The following ADGRB3 variants were observed in gnomAD, a reference collection of about 807,000 sequenced individuals.
ADGRB3 encodes the protein brain-specific angiogenesis inhibitor 3.
Under a neutral mutation model 193.4 loss-of-function variants are expected in ADGRB3, and 37 were observed. That is an observed-to-expected ratio of 0.19 (90% CI 0.15 to 0.25). ADGRB3 has a LOEUF of 0.25. ADGRB3 is among the 10% of genes least tolerant of loss of function. The pLI is 1.00. For missense variants in ADGRB3, 1,637 were observed against 1,852.9 expected (o/e 0.88, Z 2.14); for synonymous variants, 690 against 644.2 (o/e 1.07, Z -1.08).
chr6:69,092,820 G>C (rs569894256), intron 17 of ADGRB3, among the ~76,000 whole-genome samples: 2 of 152,192 alleles, frequency 1.3e-5, no homozygotes, highest in Non-Finnish European at 2.9e-5. Flanking sequence ...GTGACTGGGG[G>C]AGGGAAGGGG....
chr6:69,174,558 A>T (rs142305476), intron 17 of ADGRB3, among the ~76,000 whole-genome samples: 1 of 152,234 alleles, frequency 6.6e-6, no homozygotes, highest in African/African-American at 2.4e-5. Flanking sequence ...TGCAATGCAC[A>T]TATAAGTTCA....
chr6:69,257,290 C>T lies in ADGRB3; in HGVS notation c.2814+18064C>T, dbSNP rs1048697971. Among the ~76,000 whole-genome samples, 13 of 152,278 alleles carry T rather than the reference C, an allele frequency of 8.5e-5. No homozygotes were observed. In the East Asian group the frequency reaches 2.5e-3, roughly 29 times the overall value. ...TTCAGAAGGAATGGTACCAGTTCCT[C>T]CTTGTACCTCTGATAGAATTCGGCT... On this transcript the variant is annotated intron_variant, in intron 20 of 31. Coordinates refer to ENST00000370598, the MANE Select transcript of ADGRB3 (RefSeq NM_001704.3).
chr6:69,382,334 A>G (rs557027969), intron 30 of ADGRB3, among the ~76,000 whole-genome samples: 53 of 152,028 alleles, frequency 3.5e-4, no homozygotes, highest in Admixed American at 7.9e-4. Flanking sequence ...AGACACTTTA[A>G]TGCTTTGATT....
chr6:69,049,635 T>C (rs1771336177), intron 15 of ADGRB3, among the ~76,000 whole-genome samples: 1 of 152,116 alleles, frequency 6.6e-6, no homozygotes, highest in African/African-American at 2.4e-5. Context: ...ATCACAAGTG[T>C]CTATAATAGA....
At chr6:69,291,107 T>G (rs1767655751) in intron 20 of ADGRB3, among the ~76,000 whole-genome samples, 2 of 152,190 alleles carry the variant, frequency 1.3e-5, no homozygotes, top group Non-Finnish European at 2.9e-5. Flanking sequence ...CTTTTCCTAA[T>G]GCTTCTTGGA....
At chr6:68,865,492 T>C (rs1212504524) in intron 3 of ADGRB3, among the ~76,000 whole-genome samples, 1 of 152,032 alleles carries the variant, frequency 6.6e-6, no homozygotes, top group Admixed American at 6.6e-5. Flanking sequence ...CTTTGAAGGG[T>C]CCTGTGGGAT....
rs141656891 is a variant in ADGRB3 at position 69,172,956 on chromosome 6, G to T, written c.2481-60334G>T. Among the ~76,000 whole-genome samples, 401 of 152,326 alleles carry T rather than the reference G, an allele frequency of 2.6e-3. 2 individuals carry two copies. Among genetic ancestry groups the T allele is most frequent in the African/African-American group, 9.5e-3 (394 of 41,574 alleles). On this transcript the variant is annotated intron_variant, in intron 17 of 31. Transcript: ENST00000370598. ...TGACAAAGTGGTAAATAAAGAGACA[G>T]GAGTTATAGGCAGGGCCTGGATCAG...
chr6:69,045,572 T>G (rs1267288823), intron 13 of ADGRB3, among the ~76,000 whole-genome samples: 1 of 152,124 alleles, frequency 6.6e-6, no homozygotes, highest in African/African-American at 2.4e-5. Flanking sequence ...TAGCTCAAAT[T>G]AGCTATACCA....
intron 3 of ADGRB3, among the ~76,000 whole-genome samples, chr6:68,915,626 A>G (rs1766858133): frequency 6.6e-6 from 1 of 152,214 alleles, no homozygotes; most frequent in Non-Finnish European, 1.5e-5. Flanking sequence ...GTTTTGGAGA[A>G]CTAAAAGCAA....
chr6:68,896,956 T>C (rs937711702), intron 3 of ADGRB3, among the ~76,000 whole-genome samples: 1 of 152,056 alleles, frequency 6.6e-6, no homozygotes, highest in Non-Finnish European at 1.5e-5. Flanking sequence ...GGCCCCTCGC[T>C]ACACACAAAA....
At chr6:68,797,559 A>G (rs956168426) in intron 3 of ADGRB3, among the ~76,000 whole-genome samples, 5 of 152,050 alleles carry the variant, frequency 3.3e-5, no homozygotes, top group Admixed American at 1.3e-4. Context: ...TCATTTTTCC[A>G]TCTTACAGAA....
intron 17 of ADGRB3, among the ~76,000 whole-genome samples, chr6:69,105,275 A>C (rs1270174438): frequency 6.6e-6 from 1 of 152,110 alleles, no homozygotes; most frequent in Non-Finnish European, 1.5e-5. Flanking sequence ...TCAGCCTCTA[A>C]AATTTCCAGG....
chr6:69,008,795 T>C (rs1445055717), intron 11 of ADGRB3, among the ~76,000 whole-genome samples: 5 of 152,172 alleles, frequency 3.3e-5, no homozygotes, highest in East Asian at 1.9e-4. Context: ...CTCAAAAGTA[T>C]GTATTTGTGC....
intron 17 of ADGRB3, among the ~76,000 whole-genome samples, chr6:69,226,473 A>G (rs927072917): frequency 2.6e-5 from 4 of 152,188 alleles, no homozygotes; most frequent in South Asian, 4.1e-4. Context: ...TCCTCATGAT[A>G]TGTACATTCT....
chr6:69,090,435 A>G (rs183768127), intron 17 of ADGRB3, among the ~76,000 whole-genome samples: 1 of 152,328 alleles, frequency 6.6e-6, no homozygotes, highest in Admixed American at 6.5e-5. Context: ...ATATGTAATG[A>G]ATTTTCCCAG....
At chr6:69,325,727 A>T (rs1328834647) in intron 21 of ADGRB3, among the ~76,000 whole-genome samples, 1 of 152,226 alleles carries the variant, frequency 6.6e-6, no homozygotes, top group East Asian at 1.9e-4. Flanking sequence ...GGCATATGGG[A>T]TGCTAGGAGG....
At chr6:69,190,066 A>G (rs1765156252) in intron 17 of ADGRB3, among the ~76,000 whole-genome samples, 1 of 152,158 alleles carries the variant, frequency 6.6e-6, no homozygotes, top group Non-Finnish European at 1.5e-5. Flanking sequence ...ACGGTACATA[A>G]TATTTCATAA....
chr6:69,025,350 G>A (rs1037752904), intron 13 of ADGRB3, among the ~76,000 whole-genome samples: 5 of 151,988 alleles, frequency 3.3e-5, no homozygotes, highest in Non-Finnish European at 7.4e-5. Context: ...CCAACTTTCA[G>A]TCTGACAATA....
chr6:68,677,005 G>A (rs907099945), intron 3 of ADGRB3, among the ~76,000 whole-genome samples: 8 of 152,262 alleles, frequency 5.3e-5, no homozygotes, highest in African/African-American at 1.7e-4. Flanking sequence ...TTATTCAATT[G>A]CATTTTGCTG....
Sources: allele counts gnomAD v4.1 joint callset (sites outside exome capture counted in the v4.1 genomes callset), GRCh38; gene constraint gnomAD v4.1.1; transcripts MANE v1.5; gene names NCBI Gene and HGNC (gene_info 2026-07-23, HGNC 2026-07-21).